The following KAZN variants were observed in gnomAD, a reference collection of about 807,000 sequenced individuals.
The protein encoded by KAZN is kazrin.
KAZN carries 40 observed loss-of-function variants against 87.4 expected under a neutral mutation model. That is an observed-to-expected ratio of 0.46 (90% CI 0.36 to 0.60). The LOEUF is 0.60. Among genes scored for constraint, KAZN ranks in the 20% least tolerant of loss-of-function variants. KAZN has a pLI of 0.00. For missense variants in KAZN, 898 were observed against 1,073.9 expected, an observed-to-expected ratio of 0.84 and a Z score of 2.29; for synonymous variants, 466 against 458.3, an observed-to-expected ratio of 1.02 and a Z score of -0.22.
chr1:14,472,072 C>G (rs989886507), intron 2 of KAZN, among the ~76,000 whole-genome samples: 5 of 152,076 alleles, frequency 3.3e-5, no homozygotes, highest in African/African-American at 1.2e-4. Context: ...ATAGATGGCA[C>G]TTTCTTGCTG....
At chr1:14,316,564 T>C (rs1655670071) in intron 2 of KAZN, among the ~76,000 whole-genome samples, 1 of 151,984 alleles carries the variant, frequency 6.6e-6, no homozygotes, top group Admixed American at 6.6e-5. Context: ...TGATGTCTGC[T>C]GTTACCTTTA....
chr1:14,110,216 C>T (rs79458940), intron 1 of KAZN, among the ~76,000 whole-genome samples: 13,524 of 152,250 alleles, frequency 0.089, 839 homozygotes, highest in Non-Finnish European at 0.13. Flanking sequence ...TGTTCCGTTT[C>T]CTTCACGTGC....
rs189314179 is a variant in KAZN at position 13,954,795 on chromosome 1, T to G, written c.91+61039T>G. Among the ~76,000 whole-genome samples the G allele has an allele frequency of 3.3e-5, 5 of 152,364 alleles. No individual in the cohort carries two copies. The East Asian group carries it at 9.6e-4, about 29-fold the overall frequency. ...TCTTCCATATGTTGAGATTTCTTTT[T>G]AGTTTTCTTGAGGGGGTTGGACTTT... On this transcript the variant is annotated intron_variant, in intron 1 of 16. Transcript: ENST00000636203.
chr1:14,685,969 C>T (rs1640928974), intron 1 of KAZN, among the ~76,000 whole-genome samples: 2 of 152,216 alleles, frequency 1.3e-5, no homozygotes, highest in Admixed American at 6.5e-5. Flanking sequence ...ATGGAGTAAA[C>T]TCCCCCAGGT....
intron 2 of KAZN, among the ~76,000 whole-genome samples, chr1:15,023,425 AG>A (rs1398920661): frequency 6.6e-6 from 1 of 152,030 alleles, no homozygotes; most frequent in South Asian, 2.1e-4. Context: ...CGTGGGTAGG[AG>A]GGGGAAGGAA....
intron 1 of KAZN, among the ~76,000 whole-genome samples, chr1:14,837,708 C>T (rs529695999): frequency 1.3e-5 from 2 of 151,840 alleles, no homozygotes; most frequent in African/African-American, 4.8e-5. Flanking sequence ...TGTGCCACCA[C>T]CCCTGGATAA....
chr1:14,026,928 A>G (rs1368357069), intron 1 of KAZN, among the ~76,000 whole-genome samples: 1 of 152,102 alleles, frequency 6.6e-6, no homozygotes. Context: ...CCAAACCGAA[A>G]CTTGAAACAG....
At chr1:14,934,656 G>A (rs1434917310) in intron 1 of KAZN, among the ~76,000 whole-genome samples, 1 of 152,184 alleles carries the variant, frequency 6.6e-6, no homozygotes, top group Non-Finnish European at 1.5e-5. Context: ...TCAGCAACGG[G>A]ACAGGCTGCC....
At chr1:14,930,424 G>A (rs373429617) in intron 1 of KAZN, among the ~76,000 whole-genome samples, 9 of 152,274 alleles carry the variant, frequency 5.9e-5, no homozygotes, top group East Asian at 3.9e-4. Context: ...TCCCCTCACA[G>A]CACAGCCTCA....
chr1:15,018,221 G>A (rs937055340), intron 2 of KAZN, among the ~76,000 whole-genome samples: 1 of 152,056 alleles, frequency 6.6e-6, no homozygotes, highest in Non-Finnish European at 1.5e-5. Context: ...TGACAAGCTT[G>A]GCTAATCTTT....
At chr1:13,976,329 G>A (rs963205710) in intron 1 of KAZN, among the ~76,000 whole-genome samples, 1 of 152,124 alleles carries the variant, frequency 6.6e-6, no homozygotes, top group African/African-American at 2.4e-5. Context: ...TCTGTCCTTT[G>A]CTGTCATAGA....
chr1:14,603,632 C>T (rs1277058099), intron 1 of KAZN, among the ~76,000 whole-genome samples: 4 of 152,156 alleles, frequency 2.6e-5, no homozygotes, highest in Non-Finnish European at 5.9e-5. Context: ...TTTCCAACAC[C>T]TCTTTGATGC....
At position 14,013,625 on chromosome 1, in the gene KAZN, A is replaced by T. The variant is rs577928305; in HGVS notation, c.91+119869A>T. ...AGAAAGGAAGGGTTCGATGGAAAATAACCTAGGAATATGGGACTTTAGTAC... is the reference window on the plus strand; with the variant it reads ...AGAAAGGAAGGGTTCGATGGAAAATTACCTAGGAATATGGGACTTTAGTAC... On this transcript the variant is annotated intron_variant, in intron 1 of 16. Coordinates refer to the KAZN transcript ENST00000636203. 2.0e-5 allele frequency among the ~76,000 whole-genome samples: 3 copies of T among 152,322 alleles called. No individual in the cohort carries two copies. In the East Asian group the frequency reaches 5.8e-4, roughly 29 times the overall value.
chr1:14,232,430 C>T (rs1647951093), intron 2 of KAZN, among the ~76,000 whole-genome samples: 1 of 152,166 alleles, frequency 6.6e-6, no homozygotes, highest in Non-Finnish European at 1.5e-5. Context: ...TGCCTAGTAC[C>T]TGGTACCTAG....
intron 2 of KAZN, among the ~76,000 whole-genome samples, chr1:15,031,553 G>GTGTGTTGTGTTGTGTTGTGTTGTGT (rs139569205): frequency 0.021 from 3,121 of 146,340 alleles, 39 homozygotes; most frequent in Middle Eastern, 0.034. Context: ...GCTACTCAGG[G>GTGTGTTGTGTTGTGTTGTGTTGTGT]TGTGTTGTGT....
intron 2 of KAZN, among the ~76,000 whole-genome samples, chr1:15,000,617 T>C (rs940994730): frequency 2.0e-5 from 3 of 151,852 alleles, no homozygotes; most frequent in Non-Finnish European, 4.4e-5. Context: ...AAAGCAAGGT[T>C]CATTCCTCCT....
rs578112406 is a variant in KAZN, at chr1:13,985,209, T to A, written c.91+91453T>A. Among the ~76,000 whole-genome samples the A allele has an allele frequency of 5.7e-4, 87 of 152,244 alleles. No individual in the cohort carries two copies. The South Asian group carries it at 6.6e-3, about 12-fold the overall frequency. ...TCCTTTTTATAAAGCTGAATTTTTT[T>A]AAAATTATTATTATACTTTAAGTTT... is the stretch of plus-strand genomic sequence containing the variant. On this transcript the variant is annotated intron_variant, in intron 1 of 16. Coordinates refer to the KAZN transcript ENST00000636203.
intron 2 of KAZN, among the ~76,000 whole-genome samples, chr1:14,345,177 C>T (rs1232888769): frequency 5.3e-5 from 8 of 152,102 alleles, no homozygotes; most frequent in Non-Finnish European, 1.0e-4. Flanking sequence ...CTCAGCCTCC[C>T]AAAGTGCTGG....
chr1:14,113,122 C>T (rs1463119419), intron 1 of KAZN, among the ~76,000 whole-genome samples: 1 of 150,846 alleles, frequency 6.6e-6, no homozygotes. Context: ...AGGAGGTGCT[C>T]CTTCCTTCCT....
Sources: gnomAD v4.1 joint callset for allele counts (sites outside exome capture counted in the v4.1 genomes callset) on GRCh38, gnomAD v4.1.1 for gene constraint, MANE v1.5 for transcripts, NCBI Gene and HGNC (gene_info 2026-07-23, HGNC 2026-07-21) for gene names.